Variants in MDGA2 observed in about 807,000 individuals in gnomAD.
MDGA2 encodes MAM domain-containing glycosylphosphatidylinositol anchor protein 2.
In MDGA2, 40 loss-of-function variants were observed where a neutral mutation model predicts 117.8. The observed-to-expected ratio is 0.34, with a 90% CI of 0.26 to 0.44. The LOEUF is 0.44. Ranked by LOEUF, MDGA2 falls within the 20% of genes least tolerant of loss-of-function variation. The pLI is 1.00. For missense variants in MDGA2, 1,123 were observed against 1,250.6 expected (o/e 0.90, Z 1.54); for synonymous variants, 452 against 439.0 (o/e 1.03, Z -0.37).
At chr14:47,008,121 T>A (rs1030740082) in intron 8 of MDGA2, among the ~76,000 whole-genome samples, 1 of 151,906 alleles carries the variant, frequency 6.6e-6, no homozygotes, top group Non-Finnish European at 1.5e-5. Context: ...TGGATAAATA[T>A]ATACTGAGTC....
At chr14:47,608,137 GT>G (rs1320867701) in intron 1 of MDGA2, among the ~76,000 whole-genome samples, 1 of 152,118 alleles carries the variant, frequency 6.6e-6, no homozygotes, top group Non-Finnish European at 1.5e-5. Context: ...TCTCCATTGA[GT>G]AATACCTTTA....
chr14:47,075,435 GTCATCAGAT>G (rs1890456250), intron 6 of MDGA2, among the ~76,000 whole-genome samples: 2 of 152,126 alleles, frequency 1.3e-5, no homozygotes, highest in Admixed American at 6.5e-5. Flanking sequence ...TTACCAAGTA[GTCATCAGAT>G]TGATTGTTGT....
chr14:47,652,434 A>G (rs1897662291), intron 1 of MDGA2, among the ~76,000 whole-genome samples: 1 of 152,186 alleles, frequency 6.6e-6, no homozygotes, highest in African/African-American at 2.4e-5. Flanking sequence ...AAACACATGA[A>G]TGTTCTTAAA....
At chr14:47,531,073 G>A (rs371807528) in intron 1 of MDGA2, among the ~76,000 whole-genome samples, 15 of 152,154 alleles carry the variant, frequency 9.9e-5, no homozygotes, top group Middle Eastern at 3.4e-3. Context: ...ATGAAACCCC[G>A]TCTCTACTAA....
intron 6 of MDGA2, among the ~76,000 whole-genome samples, chr14:47,062,216 T>C (rs1889910043): frequency 6.6e-6 from 1 of 152,060 alleles, no homozygotes; most frequent in Non-Finnish European, 1.5e-5. Context: ...CATACATAGA[T>C]GTTTCCAGTT....
intron 8 of MDGA2, among the ~76,000 whole-genome samples, chr14:47,001,856 T>C (rs1192985590): frequency 6.6e-6 from 1 of 152,054 alleles, no homozygotes; most frequent in African/African-American, 2.4e-5. Context: ...TGGTGGTATA[T>C]ACATTCTAGA....
intron 10 of MDGA2, among the ~76,000 whole-genome samples, chr14:46,894,401 C>T (rs1300292453): frequency 1.3e-5 from 2 of 151,436 alleles, no homozygotes; most frequent in African/African-American, 2.4e-5. Flanking sequence ...ATTTACATTC[C>T]TTTAGAAATT....
At chr14:47,286,830 T>TATATACACAC (rs1888700547) in intron 2 of MDGA2, among the ~76,000 whole-genome samples, 1 of 116,174 alleles carries the variant, frequency 8.6e-6, no homozygotes, top group African/African-American at 2.8e-5. Flanking sequence ...TATATACATA[T>TATATACACAC]ATATATGTAT....
At chr14:47,388,567 T>G (rs556838003) in intron 1 of MDGA2, among the ~76,000 whole-genome samples, 21 of 152,286 alleles carry the variant, frequency 1.4e-4, no homozygotes, top group African/African-American at 4.8e-4. Context: ...GACTGAAGAT[T>G]TCTGACCTTA....
At chr14:47,123,907 T>C (rs1318874240) in intron 5 of MDGA2, among the ~76,000 whole-genome samples, 3 of 152,052 alleles carry the variant, frequency 2.0e-5, no homozygotes, top group Non-Finnish European at 2.9e-5. Context: ...AAGCTAACTA[T>C]TAGTAACATC....
chr14:47,472,935 A>G (rs2138618901), intron 1 of MDGA2, among the ~76,000 whole-genome samples: 1 of 152,190 alleles, frequency 6.6e-6, no homozygotes, highest in African/African-American at 2.4e-5. Flanking sequence ...CTTCTTGTTG[A>G]TAGTATTCTC....
intron 15 of MDGA2, 43 bp from the exon 16 acceptor site, chr14:46,845,914 T>C: frequency 7.0e-7 from 1 of 1,436,032 alleles, no homozygotes; most frequent in Non-Finnish European, 9.8e-7. Context: ...GAGCTTTGAT[T>C]TGCAGATCAG....
intron 3 of MDGA2, among the ~76,000 whole-genome samples, chr14:47,200,174 C>T (rs990439980): frequency 7.3e-5 from 11 of 151,468 alleles, no homozygotes; most frequent in Admixed American, 2.0e-4. Flanking sequence ...ATAAGGATGA[C>T]CAAAGAACGA....
chr14:46,950,709 T>TA, intron 9 of MDGA2, among the ~76,000 whole-genome samples: 1 of 151,976 alleles, frequency 6.6e-6, no homozygotes, highest in South Asian at 2.1e-4. Flanking sequence ...AGACTGCTCT[T>TA]ACTTCTGATA....
chr14:47,171,163 TTA>T (rs1213600217), intron 3 of MDGA2, among the ~76,000 whole-genome samples: 6 of 152,142 alleles, frequency 3.9e-5, no homozygotes, highest in Non-Finnish European at 8.8e-5. Flanking sequence ...ATTAGAAATA[TTA>T]TGTTTTTTAC....
intron 1 of MDGA2, among the ~76,000 whole-genome samples, chr14:47,457,812 GT>G (rs34337535): frequency 0.32 from 45,442 of 143,576 alleles, 7,443 homozygotes; most frequent in East Asian, 0.57. Context: ...ATTTTTTTCT[GT>G]TTTTTTTTTT....
chr14:46,946,101 A>C (rs775262177), intron 9 of MDGA2, among the ~76,000 whole-genome samples: 58 of 152,224 alleles, frequency 3.8e-4, no homozygotes, highest in Non-Finnish European at 5.9e-4. Context: ...AAAATCTTTA[A>C]AACTCTAAAT....
At chr14:47,427,927 T>C (rs1232345501) in intron 1 of MDGA2, among the ~76,000 whole-genome samples, 1 of 152,178 alleles carries the variant, frequency 6.6e-6, no homozygotes, top group Non-Finnish European at 1.5e-5. Context: ...GATCTATGGA[T>C]TAGCTGCAAC....
chr14:47,246,475 A>G (rs932197326), intron 2 of MDGA2, among the ~76,000 whole-genome samples: 3 of 151,856 alleles, frequency 2.0e-5, no homozygotes, highest in African/African-American at 7.2e-5. Flanking sequence ...ATGCTCGTGT[A>G]TTAGAATAGG....
Sources: gnomAD v4.1 joint callset for allele counts (sites outside exome capture counted in the v4.1 genomes callset) on GRCh38, gnomAD v4.1.1 for gene constraint, MANE v1.5 for transcripts, NCBI Gene and HGNC (gene_info 2026-07-23, HGNC 2026-07-21) for gene names.